The following PEX2 variants were observed in gnomAD, a reference collection of about 807,000 sequenced individuals.
PEX2 encodes the protein peroxisome biogenesis factor 2.
A neutral mutation model predicts 25.2 loss-of-function variants in PEX2; 19 were observed. The ratio of observed to expected loss-of-function variants is 0.75; its 90% CI spans 0.53 to 1.10. The LOEUF is 1.10. Among genes scored for constraint, PEX2 ranks in the 50% least tolerant of loss-of-function variants. PEX2 has a pLI of 0.00. For synonymous variants in PEX2, 141 were observed against 127.7 expected (o/e 1.10, Z -0.70); for missense variants, 347 against 350.6 (o/e 0.99, Z 0.08).
At position 76,982,466 on chromosome 8, in the gene PEX2, A is replaced by C. The variant is rs1806858943; in HGVS notation, c.*795T>G. 1 of 152,206 alleles carries C rather than the reference A, an allele frequency of 6.6e-6. No homozygotes were observed. The highest frequency in any genetic ancestry group is 1.5e-5 in the Non-Finnish European group (1 of 68,032). 9.4% of individuals were successfully genotyped at this position (152,206 alleles called of 1,614,324 possible). The stretch of plus-strand genomic sequence containing the variant: ...ATAAAGCCAACTGTGGAGGGGTCAG[A>C]CAGCTGAGGACTGAACTTCTTAAAA... On this transcript the variant is annotated 3_prime_UTR_variant, in exon 4 of 4. Transcript: ENST00000357039.
At position 76,984,194 on chromosome 8, in the gene PEX2, C is replaced by T; in HGVS notation, c.-16G>A. The T allele has an allele frequency of 6.2e-7, 1 of 1,612,934 alleles. No individual in the cohort carries two copies. Among genetic ancestry groups the T allele is most frequent in the Non-Finnish European group, 8.5e-7 (1 of 1,179,152 alleles). ...TGGAAGCCATGTCTTCTCTGAAGGTCTCTAGGAAAAAATACAATTGAAGAA... is the reference window on the plus strand; with the variant it reads ...TGGAAGCCATGTCTTCTCTGAAGGTTTCTAGGAAAAAATACAATTGAAGAA... On this transcript the variant is annotated splice_region_variant and 5_prime_UTR_variant, in exon 4 of 4. Transcript: ENST00000357039.
At chr8:76,989,157 T>A (rs1006306196) in intron 1 of PEX2, among the ~76,000 whole-genome samples, 17 of 150,996 alleles carry the variant, frequency 1.1e-4, no homozygotes, top group African/African-American at 3.9e-4. Flanking sequence ...CCAGCCTGAG[T>A]GCCAGAGCAT....
chr8:76,994,882 A>T (rs564879769), intron 1 of PEX2, among the ~76,000 whole-genome samples: 1 of 152,308 alleles, frequency 6.6e-6, no homozygotes, highest in Non-Finnish European at 1.5e-5. Context: ...ATGACTAGAC[A>T]TCTTAAGTTT....
chr8:76,987,862 G>A (rs1047265908), intron 2 of PEX2: 3 of 152,158 alleles, frequency 2.0e-5, no homozygotes, highest in African/African-American at 7.2e-5. Flanking sequence ...GGTTTGAACA[G>A]AAAGAAAATA....
rs1353824652 is a variant in PEX2 at position 76,980,586 on chromosome 8, GA to G, written c.*2674del. 6.6e-6 allele frequency: 1 copy of G among 152,210 alleles called. No individual in the cohort carries two copies. Among genetic ancestry groups the G allele is most frequent in the Non-Finnish European group, 1.5e-5 (1 of 68,064 alleles). 9.4% of individuals were successfully genotyped at this position (152,210 alleles called of 1,614,324 possible). A position where few individuals can be genotyped will look rare whatever the true frequency, so the allele number is the denominator to read the frequency against. ...CCCCTAGCTATAGTGGCTGGTTCAG[GA>G]ATGTGCACATAATCCAAGGCAGACC... On this transcript the variant is annotated 3_prime_UTR_variant, in exon 4 of 4. Transcript: ENST00000357039.
intron 1 of PEX2, among the ~76,000 whole-genome samples, chr8:76,990,707 A>G (rs557543661): frequency 3.3e-5 from 5 of 152,092 alleles, no homozygotes; most frequent in Middle Eastern, 3.4e-3. Context: ...CAGAATATTT[A>G]TAAGTTCACC....
At chr8:76,988,773 C>G (rs1483272263) in intron 1 of PEX2, among the ~76,000 whole-genome samples, 3 of 152,108 alleles carry the variant, frequency 2.0e-5, no homozygotes, top group Non-Finnish European at 4.4e-5. Context: ...AGTCTCAAAC[C>G]CTGCCATTGC....
chr8:76,999,533 C>A (rs1018409999), intron 1 of PEX2, among the ~76,000 whole-genome samples: 9 of 152,168 alleles, frequency 5.9e-5, no homozygotes, highest in African/African-American at 2.2e-4. Flanking sequence ...CATTTACGTG[C>A]GCTTTCAACA....
In PEX2 at chr8:76,994,742, T is replaced by A. The variant is rs1380202404; in HGVS notation, c.-160+5248A>T. ...CACAATAATAAACTAAGTTTTAGAATGAAAATGTCACTGCCACACCATCTT... is the reference window on the plus strand; with the variant it reads ...CACAATAATAAACTAAGTTTTAGAAAGAAAATGTCACTGCCACACCATCTT... On this transcript the variant is annotated intron_variant, in intron 1 of 3. Transcript: ENST00000357039. 2.0e-5 allele frequency among the ~76,000 whole-genome samples: 3 copies of A among 152,194 alleles called. No individual in the cohort carries two copies. The East Asian group carries it at 5.8e-4, about 29-fold the overall frequency.
chr8:76,991,664 C>T (rs1020769243), intron 1 of PEX2, among the ~76,000 whole-genome samples: 4 of 152,174 alleles, frequency 2.6e-5, no homozygotes, highest in African/African-American at 9.7e-5. Flanking sequence ...CTTCTTTAGG[C>T]ATCTGTCACA....
At position 76,986,188 on chromosome 8, in the gene PEX2, T is replaced by G. The variant is rs773572665; in HGVS notation, c.-19A>C. On this transcript the variant is annotated splice_region_variant and 5_prime_UTR_variant, in exon 3 of 4. Transcript: ENST00000357039. ...AATGATCTTCTGGGGAGATCTCACC[T>G]TTTTCCTGTTCCTGCAGCTCCCTCA... The G allele has an allele frequency of 2.0e-5, 3 of 152,176 alleles. No individual in the cohort carries two copies. Among genetic ancestry groups the G allele is most frequent in the Non-Finnish European group, 4.4e-5 (3 of 68,044 alleles). The allele number at this position is 152,176 out of a possible 1,614,324, so 9.4% of individuals were successfully genotyped here.
In PEX2 at chr8:76,983,225, G is replaced by A; in HGVS notation, c.*36C>T. The A allele has an allele frequency of 6.2e-7, 1 of 1,605,140 alleles. No homozygotes were observed. Among genetic ancestry groups the A allele is most frequent in the Non-Finnish European group, 8.5e-7 (1 of 1,179,738 alleles). On this transcript the variant is annotated 3_prime_UTR_variant, in exon 4 of 4. Coordinates refer to ENST00000357039, the MANE Select transcript of PEX2 (RefSeq NM_000318.3). ...GACTAATATTAAGAATTTAAACACG[G>A]TGCATTTTTTTCCTCAAAGGAAGCA... is the stretch of plus-strand genomic sequence containing the variant.
chr8:76,998,408 G>A (rs1229608496), intron 1 of PEX2, among the ~76,000 whole-genome samples: 4 of 151,546 alleles, frequency 2.6e-5, no homozygotes, highest in African/African-American at 7.3e-5. Flanking sequence ...TGGAGAAGAA[G>A]GAATAATAAA....
At chr8:76,986,874 T>A (rs946177629) in intron 2 of PEX2, among the ~76,000 whole-genome samples, 1 of 152,132 alleles carries the variant, frequency 6.6e-6, no homozygotes, top group Non-Finnish European at 1.5e-5. Context: ...GTTGTGAAGA[T>A]TATTTGAGCC....
chr8:76,988,629 G>A (rs1455188061), intron 1 of PEX2, among the ~76,000 whole-genome samples: 1 of 152,126 alleles, frequency 6.6e-6, no homozygotes, highest in East Asian at 1.9e-4. Flanking sequence ...GGTGGTTGTG[G>A]CAATATCTTA....
chr8:76,986,666 C>T (rs756898885), intron 2 of PEX2: 1 of 152,186 alleles, frequency 6.6e-6, no homozygotes, highest in African/African-American at 2.4e-5. Flanking sequence ...TGGAACAGTC[C>T]GTTTCCAATC....
At chr8:76,985,104 C>T (rs977831111) in intron 3 of PEX2, among the ~76,000 whole-genome samples, 1 of 150,810 alleles carries the variant, frequency 6.6e-6, no homozygotes, top group African/African-American at 2.4e-5. Context: ...AACACCAAGT[C>T]ACTGCCATAA....
At chr8:76,997,956 A>G (rs975996410) in intron 1 of PEX2, among the ~76,000 whole-genome samples, 3 of 152,214 alleles carry the variant, frequency 2.0e-5, no homozygotes, top group Non-Finnish European at 4.4e-5. Context: ...GGTTTCTTGT[A>G]CATTCCAAAG....
At chr8:76,993,975 A>G (rs1807248520) in intron 1 of PEX2, among the ~76,000 whole-genome samples, 2 of 152,210 alleles carry the variant, frequency 1.3e-5, no homozygotes, top group Admixed American at 1.3e-4. Context: ...TTAAGGCAAA[A>G]TCAAGACCAG....
Sources: gnomAD v4.1 joint callset for allele counts (sites outside exome capture counted in the v4.1 genomes callset) on GRCh38, gnomAD v4.1.1 for gene constraint, MANE v1.5 for transcripts, NCBI Gene and HGNC (gene_info 2026-07-23, HGNC 2026-07-21) for gene names.